Variants in ZNF143 observed in about 807,000 individuals in gnomAD.
ZNF143 encodes SPH-binding factor.
ZNF143 carries 49 observed loss-of-function variants against 74.1 expected under a neutral mutation model. The observed-to-expected ratio is 0.66, with a 90% confidence interval of 0.53 to 0.84. The LOEUF (loss-of-function observed/expected upper bound fraction) is 0.84. Ranked by LOEUF, ZNF143 falls within the 40% of genes least tolerant of loss-of-function variation. The pLI is 0.00. For missense variants in ZNF143, 637 were observed against 793.4 expected (o/e 0.80, Z 2.37); for synonymous variants, 304 against 282.8 (o/e 1.07, Z -0.75).
intron 7 of ZNF143, among the ~76,000 whole-genome samples, chr11:9,486,369 A>ATT (rs1373373871): frequency 2.4e-5 from 1 of 42,242 alleles, no homozygotes; most frequent in Non-Finnish European, 4.4e-5. Context: ...TATATTATAT[A>ATT]TAATATATTA....
chr11:9,479,068 A>G (rs944765563), intron 6 of ZNF143, among the ~76,000 whole-genome samples: 38 of 136,712 alleles, frequency 2.8e-4, no homozygotes, highest in Non-Finnish European at 3.3e-4. Flanking sequence ...TTTTATATCA[A>G]AAGAGCTGAT....
intron 1 of ZNF143, chr11:9,461,987 T>G (rs1292051221): frequency 6.6e-6 from 1 of 152,222 alleles, no homozygotes; most frequent in Non-Finnish European, 1.5e-5. Context: ...TGGTCGGCTT[T>G]GTCCTGAATC....
intron 1 of ZNF143, among the ~76,000 whole-genome samples, chr11:9,466,598 A>AT (rs1326249729): frequency 2.0e-5 from 3 of 150,116 alleles, no homozygotes; most frequent in Non-Finnish European, 3.0e-5. Flanking sequence ...TCCCGGCATA[A>AT]TTTTTTCCTT....
chr11:9,507,273 A>G (rs1848399137), intron 11 of ZNF143, among the ~76,000 whole-genome samples: 1 of 152,186 alleles, frequency 6.6e-6, no homozygotes, highest in Non-Finnish European at 1.5e-5. Context: ...TCATATGTAC[A>G]TTTTAAAAAT....
chr11:9,493,615 C>T (rs530171301), intron 7 of ZNF143, among the ~76,000 whole-genome samples: 1 of 152,222 alleles, frequency 6.6e-6, no homozygotes, highest in Admixed American at 6.5e-5. Context: ...ATTATTCTAG[C>T]CTCTGTAACT....
chr11:9,474,537 C>G lies in ZNF143; in HGVS notation c.290-13C>G. 6.2e-7 allele frequency: 1 copy of G among 1,613,852 alleles called. No homozygotes were observed. Among genetic ancestry groups the G allele is most frequent in the Non-Finnish European group, 8.5e-7 (1 of 1,179,812 alleles). Reference sequence around the variant, plus strand: ...AGAAAACATGAGATCTAAATGTAAGCATTGTTCTTGAGCAGGGGACAGTTT... The same window carrying G: ...AGAAAACATGAGATCTAAATGTAAGGATTGTTCTTGAGCAGGGGACAGTTT... On this transcript the variant is annotated splice_polypyrimidine_tract_variant and intron_variant, in intron 4 of 15. Transcript: ENST00000396602.
chr11:9,522,108 T>G (rs1408518715), intron 14 of ZNF143, among the ~76,000 whole-genome samples: 1 of 151,412 alleles, frequency 6.6e-6, no homozygotes, highest in East Asian at 1.9e-4. Flanking sequence ...AAAGCAATTC[T>G]TAGAGGAAAA....
intron 7 of ZNF143, among the ~76,000 whole-genome samples, chr11:9,485,600 G>A (rs1018417962): frequency 4.6e-5 from 7 of 151,202 alleles, no homozygotes; most frequent in African/African-American, 1.5e-4. Context: ...ACCTGGCTTG[G>A]CCTCCCAAAG....
At chr11:9,519,882 G>C (rs751453651) in intron 14 of ZNF143, among the ~76,000 whole-genome samples, 4 of 152,008 alleles carry the variant, frequency 2.6e-5, no homozygotes, top group Non-Finnish European at 5.9e-5. Flanking sequence ...GCTTCTTGTG[G>C]TTAAAACGTT....
chr11:9,484,457 C>T (rs1045917272), intron 7 of ZNF143, among the ~76,000 whole-genome samples: 1 of 151,152 alleles, frequency 6.6e-6, no homozygotes, highest in African/African-American at 2.5e-5. Context: ...TCAAGTGATC[C>T]ACCTGCCTCG....
In ZNF143 at chr11:9,508,693, C is replaced by G; in HGVS notation, c.1222C>G (p.His408Asp). 1 of 1,614,018 alleles carries G rather than the reference C, an allele frequency of 6.2e-7. No individual in the cohort carries two copies. The highest frequency in any genetic ancestry group is 8.5e-7 in the Non-Finnish European group (1 of 1,180,010). The change falls in exon 12 of 16, where the codon CAT (histidine) becomes GAT (aspartate). Residue 408 changes from histidine to aspartate, a missense_variant. Physicochemically the swap from His to Asp is moderately conservative, Grantham distance 81. Around this residue, in one of 2 missense-constraint regions of ZNF143, gnomAD observed 344 missense variants for 485.6 expected, o/e 0.71. Transcript: ENST00000396602. ...FTEYSSLYKHHVVHTHSKPYN... is the reference protein window; with the variant it reads ...FTEYSSLYKHDVVHTHSKPYN... Reference sequence around the variant, plus strand: ...AGAATATTCCAGTTTGTACAAACATCATGTTGTCCACACTCATTCCAAACC... The same window carrying G: ...AGAATATTCCAGTTTGTACAAACATGATGTTGTCCACACTCATTCCAAACC...
chr11:9,510,650 A>G (rs1049993727), intron 12 of ZNF143, among the ~76,000 whole-genome samples: 1 of 152,178 alleles, frequency 6.6e-6, no homozygotes, highest in Non-Finnish European at 1.5e-5. Context: ...CACGTTGATG[A>G]CTGTAGCCAT....
At chr11:9,521,544 G>T (rs1848927159) in intron 14 of ZNF143, among the ~76,000 whole-genome samples, 1 of 150,982 alleles carries the variant, frequency 6.6e-6, no homozygotes, top group Non-Finnish European at 1.5e-5. Flanking sequence ...TATGCCCAGA[G>T]TTTTCTTTTT....
chr11:9,475,319 G>T (rs1164091928), intron 5 of ZNF143, among the ~76,000 whole-genome samples: 1 of 152,140 alleles, frequency 6.6e-6, no homozygotes, highest in African/African-American at 2.4e-5. Flanking sequence ...GAGTGCAGTG[G>T]TACAATCATA....
At chr11:9,491,805 C>T (rs1328848497) in intron 7 of ZNF143, among the ~76,000 whole-genome samples, 3 of 152,048 alleles carry the variant, frequency 2.0e-5, no homozygotes, top group Non-Finnish European at 2.9e-5. Context: ...GATGTTTTTG[C>T]ATTTTTGTAG....
intron 5 of ZNF143, among the ~76,000 whole-genome samples, chr11:9,476,994 C>T (rs1370657576): frequency 6.7e-6 from 1 of 150,008 alleles, no homozygotes; most frequent in Non-Finnish European, 1.5e-5. Context: ...GGTCTCCTGA[C>T]CTTGTGATCT....
chr11:9,485,252 A>G (rs1468306172), intron 7 of ZNF143, among the ~76,000 whole-genome samples: 2 of 151,100 alleles, frequency 1.3e-5, no homozygotes, highest in Admixed American at 6.6e-5. Context: ...GAAAATCCAA[A>G]TAGTATAGAT....
intron 15 of ZNF143, among the ~76,000 whole-genome samples, chr11:9,526,475 A>T (rs530279265): frequency 2.6e-5 from 4 of 152,324 alleles, no homozygotes; most frequent in Non-Finnish European, 5.9e-5. Context: ...AACACACTCC[A>T]GGAAATGTCA....
chr11:9,465,590 C>G (rs1331743936), intron 1 of ZNF143, among the ~76,000 whole-genome samples: 1 of 151,522 alleles, frequency 6.6e-6, no homozygotes, highest in Non-Finnish European at 1.5e-5. Context: ...AGCTCTGCCT[C>G]CCAGGTTCAC....
Sources: allele counts gnomAD v4.1 joint callset (sites outside exome capture counted in the v4.1 genomes callset), GRCh38; gene constraint gnomAD v4.1.1; regional missense constraint gnomAD v4.1.1; transcripts MANE v1.5; gene names NCBI Gene and HGNC (gene_info 2026-07-23, HGNC 2026-07-21).